PSMB2: variants seen among roughly 807,000 people sequenced by gnomAD.
PSMB2 encodes proteasome 20S subunit beta 2.
In PSMB2, 13 loss-of-function variants were observed where a neutral mutation model predicts 25.7. The ratio of observed to expected loss-of-function variants is 0.51; its 90% CI spans 0.33 to 0.80. The LOEUF (loss-of-function observed/expected upper bound fraction) is 0.80. PSMB2 is among the 30% of genes least tolerant of loss of function. The probability of loss-of-function intolerance (pLI) is 0.02; values close to 1 mark genes in which losing one functional copy is unlikely to be tolerated. For synonymous variants in PSMB2, 87 were observed against 96.2 expected, an observed-to-expected ratio of 0.90 and a Z score of 0.56; for missense variants, 202 against 259.0, an observed-to-expected ratio of 0.78 and a Z score of 1.51.
chr1:35,633,688 T>A (rs1651165383), intron 2 of PSMB2, among the ~76,000 whole-genome samples: 1 of 152,280 alleles, frequency 6.6e-6, no homozygotes. Flanking sequence ...AGCAGAATTC[T>A]TGAAATATTC....
intron 3 of PSMB2, among the ~76,000 whole-genome samples, chr1:35,610,695 C>G (rs769543720): frequency 6.6e-6 from 1 of 152,136 alleles, no homozygotes; most frequent in Non-Finnish European, 1.5e-5. Flanking sequence ...AGGGCTTCAT[C>G]ATGTTGGCCA....
intron 3 of PSMB2, among the ~76,000 whole-genome samples, chr1:35,628,051 T>A (rs925836166): frequency 2.6e-5 from 4 of 152,190 alleles, no homozygotes; most frequent in Admixed American, 2.6e-4. Flanking sequence ...TTGGTGACTT[T>A]GCACTTATTA....
Position 35,615,296 on chromosome 1 carries a change from A to T in PSMB2, c.286-5888T>A, listed in dbSNP as rs1650461852. Among the ~76,000 whole-genome samples the T allele has an allele frequency of 3.3e-5, 5 of 152,226 alleles. No homozygotes were observed. In the South Asian group the frequency reaches 6.2e-4, roughly 19 times the overall value. On this transcript the variant is annotated intron_variant, in intron 3 of 5. Coordinates refer to ENST00000373237, the MANE Select transcript of PSMB2 (RefSeq NM_002794.5). ...TTTCCGAGACTGAAATAGACTTCTT[A>T]AAAACTTCTGAGCATCTGAGTCCCA...
At chr1:35,635,913 C>T (rs543157522) in intron 2 of PSMB2, among the ~76,000 whole-genome samples, 1 of 148,710 alleles carries the variant, frequency 6.7e-6, no homozygotes, top group Non-Finnish European at 1.5e-5. Flanking sequence ...TAAAGACAAA[C>T]CAATTGTTAT....
At chr1:35,631,225 C>T in intron 3 of PSMB2, 49 bp downstream of exon 3, 1 of 1,570,032 alleles carries the variant, frequency 6.4e-7, no homozygotes, top group South Asian at 1.1e-5. Flanking sequence ...ATAAAAGAAG[C>T]ACAAAGGATT....
rs1349469494 is a variant in PSMB2 at position 35,641,521 on chromosome 1, A to C, written c.-89T>G. The C allele has an allele frequency of 1.9e-6, 3 of 1,576,820 alleles. No individual in the cohort carries two copies. The highest frequency in any genetic ancestry group is 1.7e-6 in the Non-Finnish European group (2 of 1,158,634). ...ACCGGTGAGACAGCACCTCAGAGCG[A>C]AGATTGGCGCGACGCCTGCAGCACG... is the stretch of plus-strand genomic sequence containing the variant. On this transcript the variant is annotated 5_prime_UTR_variant, in exon 1 of 6. Transcript: ENST00000373237.
intron 4 of PSMB2, among the ~76,000 whole-genome samples, chr1:35,605,495 T>C (rs965162537): frequency 5.3e-5 from 8 of 152,230 alleles, no homozygotes; most frequent in Non-Finnish European, 1.0e-4. Flanking sequence ...CTATAAGCCA[T>C]TGCAAATTGA....
intron 3 of PSMB2, among the ~76,000 whole-genome samples, chr1:35,629,723 T>A (rs1454602743): frequency 1.3e-5 from 2 of 149,814 alleles, no homozygotes; most frequent in African/African-American, 4.9e-5. Flanking sequence ...GGTGGGAGAA[T>A]CACCTGAACC....
intron 3 of PSMB2, among the ~76,000 whole-genome samples, chr1:35,619,728 T>G (rs1650621982): frequency 6.6e-6 from 1 of 152,272 alleles, no homozygotes; most frequent in African/African-American, 2.4e-5. Flanking sequence ...TGATTGGTTT[T>G]CCTATTACAG....
chr1:35,640,317 C>T (rs1037476871), intron 1 of PSMB2, among the ~76,000 whole-genome samples: 1 of 152,056 alleles, frequency 6.6e-6, no homozygotes, highest in Non-Finnish European at 1.5e-5. Flanking sequence ...AGGATTTGCA[C>T]ATAACTCATT....
At chr1:35,634,065 G>C (rs1463670902) in intron 2 of PSMB2, among the ~76,000 whole-genome samples, 1 of 152,160 alleles carries the variant, frequency 6.6e-6, no homozygotes, top group East Asian at 1.9e-4. Flanking sequence ...TTGCTAGGGA[G>C]GTTTTCCCAG....
rs139268102 is a variant in PSMB2 at position 35,617,386 on chromosome 1, T to C, written c.286-7978A>G. ...TTAATCCTCTTGGCTATATTCCTTT[T>C]TAAGGAAACCCATGTGTAGATTCAA... On this transcript the variant is annotated intron_variant, in intron 3 of 5. Transcript: ENST00000373237. 5.7e-3 allele frequency among the ~76,000 whole-genome samples: 869 copies of C among 152,268 alleles called. 10 individuals carry two copies. The highest frequency in any genetic ancestry group is 0.017 in the Middle Eastern group (5 of 294).
intron 2 of PSMB2, among the ~76,000 whole-genome samples, chr1:35,634,783 T>C (rs994209096): frequency 1.3e-5 from 2 of 151,922 alleles, no homozygotes; most frequent in African/African-American, 4.8e-5. Context: ...GGTTTTTTTT[T>C]TTTTGGTTGG....
In PSMB2 at chr1:35,601,624, T is replaced by G; in HGVS notation, c.*1643A>C. The G allele has an allele frequency of 2.0e-6, 2 of 985,170 alleles. No homozygotes were observed. The highest frequency in any genetic ancestry group is 2.4e-6 in the Non-Finnish European group (2 of 829,690). The allele number at this position is 985,170 out of a possible 1,614,324, so 61.0% of individuals were successfully genotyped here. ...ACTTTAATATGAACGTTATGATCAG[T>G]AGGTAGTATCTTAGATGATACATTT... On this transcript the variant is annotated 3_prime_UTR_variant, in exon 6 of 6. Transcript: ENST00000373237.
chr1:35,634,826 G>T (rs566755234), intron 2 of PSMB2, among the ~76,000 whole-genome samples: 73 of 146,726 alleles, frequency 5.0e-4, no homozygotes, highest in African/African-American at 1.7e-3. Flanking sequence ...ACAGAGTCTT[G>T]CTGCCTTCCA....
chr1:35,636,762 G>A (rs1047676251), intron 1 of PSMB2, among the ~76,000 whole-genome samples: 3 of 152,058 alleles, frequency 2.0e-5, no homozygotes, highest in African/African-American at 7.2e-5. Context: ...ACCTGCATAG[G>A]TAATATGCAA....
At chr1:35,613,289 G>A (rs751733118) in intron 3 of PSMB2, among the ~76,000 whole-genome samples, 5 of 151,920 alleles carry the variant, frequency 3.3e-5, no homozygotes, top group Admixed American at 1.3e-4. Context: ...CTGTAATCCC[G>A]CACTTTGGGA....
At chr1:35,612,764 A>G (rs1650379003) in intron 3 of PSMB2, among the ~76,000 whole-genome samples, 1 of 152,224 alleles carries the variant, frequency 6.6e-6, no homozygotes, top group Non-Finnish European at 1.5e-5. Flanking sequence ...CACTCACTGT[A>G]TACTTAGCCA....
chr1:35,607,367 T>C (rs1323824861), intron 4 of PSMB2, among the ~76,000 whole-genome samples: 1 of 152,056 alleles, frequency 6.6e-6, no homozygotes, highest in African/African-American at 2.4e-5. Flanking sequence ...AATGGGCATA[T>C]CATCTCAACA....
Sources: gnomAD v4.1 joint callset for allele counts (sites outside exome capture counted in the v4.1 genomes callset) on GRCh38, gnomAD v4.1.1 for gene constraint, MANE v1.5 for transcripts, NCBI Gene and HGNC (gene_info 2026-07-23, HGNC 2026-07-21) for gene names.